SEPTIN6: variants seen among roughly 807,000 people sequenced by gnomAD.
The protein encoded by SEPTIN6 is septin 6, also known as septin-6.
Under a neutral mutation model 33.6 loss-of-function variants are expected in SEPTIN6, and 8 were observed. That is an observed-to-expected ratio of 0.24 (90% CI 0.14 to 0.43). The LOEUF (loss-of-function observed/expected upper bound fraction) is 0.43, where lower values mean the gene tolerates loss of function less well. Among genes scored for constraint, SEPTIN6 ranks in the 20% least tolerant of loss-of-function variants. SEPTIN6 has a pLI of 1.00. For synonymous variants in SEPTIN6, 131 were observed against 140.0 expected (o/e 0.94, Z 0.45); for missense variants, 250 against 340.8 (o/e 0.73, Z 2.10).
intron 5 of SEPTIN6, among the ~76,000 whole-genome samples, chrX:119,645,751 C>T (rs926577941): frequency 4.5e-5 from 5 of 110,888 alleles, no homozygotes; most frequent in South Asian, 3.8e-4. Context: ...AGGATGGTCT[C>T]GATCTCTTGA....
intron 2 of SEPTIN6, among the ~76,000 whole-genome samples, chrX:119,666,966 C>T (rs898816785): frequency 1.8e-5 from 2 of 110,947 alleles, no homozygotes; most frequent in Non-Finnish European, 3.8e-5. Context: ...CCTCCCCTCT[C>T]GAGGGCACTG....
At chrX:119,663,381 G>T in intron 3 of SEPTIN6, 101 bp downstream of exon 3, 1 of 715,679 alleles carries the variant, frequency 1.4e-6, no homozygotes, top group Non-Finnish European at 2.1e-6. Context: ...GGACAGGCTT[G>T]GGCCCGATAT....
In SEPTIN6 at chrX:119,659,870, C is replaced by G. The variant is rs189493662; in HGVS notation, c.341+3612G>C. Among the ~76,000 whole-genome samples the G allele has an allele frequency of 1.1e-3, 118 of 111,456 alleles. 1 individual carries two copies. The highest frequency in any genetic ancestry group is 1.9e-3 in the Non-Finnish European group (102 of 53,018). On this transcript the variant is annotated intron_variant, in intron 3 of 10. Coordinates refer to ENST00000394610, the MANE Select transcript of SEPTIN6 (RefSeq NM_145799.4). ...CCTTAAATCCCCTTTTCTCCAGCATCCTTTTTTATTTTTATTTTTTGAGAT... is the reference window on the plus strand; with the variant it reads ...CCTTAAATCCCCTTTTCTCCAGCATGCTTTTTTATTTTTATTTTTTGAGAT...
intron 5 of SEPTIN6, among the ~76,000 whole-genome samples, chrX:119,645,478 A>G (rs2054238879): frequency 9.3e-6 from 1 of 107,848 alleles, no homozygotes; most frequent in Non-Finnish European, 1.9e-5. Flanking sequence ...GCTCACCACA[A>G]CCTCCGTCTC....
At position 119,637,159 on chromosome X, in the gene SEPTIN6, C is replaced by T. The variant is rs149227275; in HGVS notation, c.824G>A (p.Arg275Gln). 248 of 1,209,986 alleles carry T rather than the reference C, an allele frequency of 2.0e-4. 1 individual carries two copies. Among genetic ancestry groups the T allele is most frequent in the Non-Finnish European group, 1.6e-4 (147 of 895,100 alleles). The change falls in exon 7 of 11, where the codon CGG becomes CAG. Residue 275 changes from arginine to glutamine, a missense_variant. Coordinates refer to ENST00000394610, the MANE Select transcript of SEPTIN6 (RefSeq NM_145799.4). ...NEAHCDFVKL[R>Q]EMLIRVNMED... Reference sequence around the variant, plus strand: ...CATGTTGACCCGAATCAGCATCTCCCGCAGCTTCACAAAGTCGCAGTGGGC... The same window carrying T: ...CATGTTGACCCGAATCAGCATCTCCTGCAGCTTCACAAAGTCGCAGTGGGC...
intron 5 of SEPTIN6, among the ~76,000 whole-genome samples, chrX:119,645,826 A>G (rs891035174): frequency 8.9e-6 from 1 of 111,996 alleles, no homozygotes; most frequent in Admixed American, 9.5e-5. Flanking sequence ...CACTGCACCC[A>G]GCCCCGACCT....
At chrX:119,674,660 A>G (rs756259482) in intron 2 of SEPTIN6, among the ~76,000 whole-genome samples, 1 of 111,623 alleles carries the variant, frequency 9.0e-6, no homozygotes, top group East Asian at 2.8e-4. Flanking sequence ...GTGTTGCCTC[A>G]GGTAAGTCCC....
intron 10 of SEPTIN6, 128 bp downstream of exon 10, chrX:119,625,207 G>C (rs961146634): frequency 3.7e-5 from 18 of 492,755 alleles, no homozygotes; most frequent in African/African-American, 3.6e-4. Context: ...TATAAGTCAC[G>C]AGAGAAAACC....
chrX:119,617,043 C>T lies in SEPTIN6; in HGVS notation c.*3050G>A. 2.1e-6 allele frequency: 2 copies of T among 954,872 alleles called. No individual in the cohort carries two copies. The highest frequency in any genetic ancestry group is 2.6e-6 in the Non-Finnish European group (2 of 763,389). The allele number at this position is 954,872 out of a possible 1,213,427, so 78.7% of individuals were successfully genotyped here. A position where few individuals can be genotyped will look rare whatever the true frequency, so the allele number is the denominator to read the frequency against. ...AAAAAACAAAAACAAGAGCCATCTACACTGCAGCTAGGGAAAGCAAACTTC... is the reference window on the plus strand; with the variant it reads ...AAAAAACAAAAACAAGAGCCATCTATACTGCAGCTAGGGAAAGCAAACTTC... On this transcript the variant is annotated 3_prime_UTR_variant, in exon 11 of 11. Transcript: ENST00000394610.
At chrX:119,677,647 C>T (rs1175456510) in intron 1 of SEPTIN6, among the ~76,000 whole-genome samples, 1 of 112,378 alleles carries the variant, frequency 8.9e-6, no homozygotes, top group East Asian at 2.8e-4. Flanking sequence ...AATAAGGGCA[C>T]ATTTTCACAC....
chrX:119,676,232 C>G (rs187890019), intron 1 of SEPTIN6, among the ~76,000 whole-genome samples: 2,788 of 108,535 alleles, frequency 0.026, 89 homozygotes, highest in African/African-American at 0.089. Flanking sequence ...GAGGCCAAGG[C>G]GGGGGGGATC....
rs199984540 is a variant in SEPTIN6 at position 119,637,593 on chromosome X, TCATC to T, written c.788-402_788-399del. Among the ~76,000 whole-genome samples the T allele has an allele frequency of 1.9e-4, 14 of 74,622 alleles. No homozygotes were observed. In the South Asian group the frequency reaches 1.9e-3, roughly 10 times the overall value. 64.8% of individuals were successfully genotyped at this position (74,622 alleles called of 115,157 possible). ...TCCATCCATCCATCCATCCATCCAC[TCATC>T]CATCCATCCATCCATCCATCTATCC... On this transcript the variant is annotated intron_variant, in intron 6 of 10. Coordinates refer to ENST00000394610, the MANE Select transcript of SEPTIN6 (RefSeq NM_145799.4).
At chrX:119,620,115 AGTCAGAAG>A in intron 10 of SEPTIN6, 64 bp from the exon 11 acceptor site, 1 of 744,634 alleles carries the variant, frequency 1.3e-6, no homozygotes, top group Non-Finnish European at 2.0e-6. Flanking sequence ...AAAAAAAAAA[AGTCAGAAG>A]AAAATTAAGT....
chrX:119,632,605 C>T (rs745590877), intron 8 of SEPTIN6, among the ~76,000 whole-genome samples: 4 of 109,585 alleles, frequency 3.7e-5, no homozygotes, highest in Admixed American at 1.9e-4. Flanking sequence ...GGAAGAGAAT[C>T]GTGAAGTAAT....
intron 8 of SEPTIN6, among the ~76,000 whole-genome samples, chrX:119,630,700 A>C (rs1368041297): frequency 3.6e-5 from 4 of 111,063 alleles, no homozygotes; most frequent in African/African-American, 1.3e-4. Flanking sequence ...CTAGACCAGC[A>C]TGGCCAACAT....
At chrX:119,623,533 T>TA (rs1411534245) in intron 10 of SEPTIN6, among the ~76,000 whole-genome samples, 3 of 111,504 alleles carry the variant, frequency 2.7e-5, no homozygotes, top group African/African-American at 6.5e-5. Context: ...CGGTAAAGTT[T>TA]AAAAAAAATA....
intron 1 of SEPTIN6, among the ~76,000 whole-genome samples, chrX:119,676,239 G>GA (rs1273027085): frequency 2.7e-5 from 3 of 110,328 alleles, no homozygotes; most frequent in Admixed American, 9.7e-5. Context: ...AGGCGGGGGG[G>GA]ATCACTTGAG....
At chrX:119,686,682 T>G (rs934325888) in intron 1 of SEPTIN6, 1 of 763,992 alleles carries the variant, frequency 1.3e-6, no homozygotes, top group African/African-American at 2.2e-5. Context: ...TCTAATTTAT[T>G]CTGCGCCCCC....
intron 2 of SEPTIN6, among the ~76,000 whole-genome samples, chrX:119,674,334 C>T (rs1012440579): frequency 9.1e-6 from 1 of 110,126 alleles, no homozygotes; most frequent in Non-Finnish European, 1.9e-5. Context: ...CCACCGTGCC[C>T]GGCTAATTTT....
Sources: allele counts gnomAD v4.1 joint callset (sites outside exome capture counted in the v4.1 genomes callset), GRCh38; gene constraint gnomAD v4.1.1; transcripts MANE v1.5; gene names NCBI Gene and HGNC (gene_info 2026-07-23, HGNC 2026-07-21).